LRRC4C: variants seen among roughly 807,000 people sequenced by gnomAD.
The protein encoded by LRRC4C is leucine rich repeat containing 4C.
A neutral mutation model predicts 33.6 loss-of-function variants in LRRC4C; 5 were observed. The ratio of observed to expected loss-of-function variants is 0.15; its 90% confidence interval spans 0.08 to 0.31. The LOEUF is 0.31. Ranked by LOEUF, LRRC4C falls within the 10% of genes least tolerant of loss-of-function variation. The pLI, the probability that LRRC4C is intolerant of heterozygous loss-of-function variation, is 1.00. For synonymous variants in LRRC4C, 329 were observed against 302.0 expected, an observed-to-expected ratio of 1.09 and a Z score of -0.93; for missense variants, 560 against 796.7, an observed-to-expected ratio of 0.70 and a Z score of 3.58.
At chr11:40,993,529 T>A (rs1346657321) in intron 1 of LRRC4C, among the ~76,000 whole-genome samples, 7 of 152,214 alleles carry the variant, frequency 4.6e-5, no homozygotes, top group Non-Finnish European at 2.9e-5. Flanking sequence ...GACACCTGCA[T>A]TGAAACTTTT....
chr11:40,517,815 C>T (rs948257329), intron 3 of LRRC4C, among the ~76,000 whole-genome samples: 7 of 150,910 alleles, frequency 4.6e-5, no homozygotes, highest in African/African-American at 1.5e-4. Flanking sequence ...CAATCATAAA[C>T]AAAAAGAACA....
In LRRC4C at chr11:40,694,940, G is replaced by A. The variant is rs1311589309; in HGVS notation, c.-406-46662C>T. On this transcript the variant is annotated intron_variant, in intron 2 of 6. Transcript: ENST00000528697. ...GGTCTTCCATTTTTTCCAGCCGTTT[G>A]TTTCTTTTTTTTTCTATATTTATTT... Among the ~76,000 whole-genome samples the A allele has an allele frequency of 2.6e-5, 4 of 151,796 alleles. No homozygotes were observed. The South Asian group carries it at 6.2e-4, about 24-fold the overall frequency.
chr11:40,444,606 T>C (rs904430331), intron 3 of LRRC4C, among the ~76,000 whole-genome samples: 1 of 152,118 alleles, frequency 6.6e-6, no homozygotes, highest in Admixed American at 6.6e-5. Context: ...AATTTTTTTC[T>C]TTTTGATATT....
chr11:40,180,238 A>G (rs1183804430), intron 5 of LRRC4C, among the ~76,000 whole-genome samples: 1 of 152,284 alleles, frequency 6.6e-6, no homozygotes, highest in Non-Finnish European at 1.5e-5. Context: ...TGTTTTTACA[A>G]CTAGAACTCA....
At chr11:40,783,186 C>G (rs1950282552) in intron 2 of LRRC4C, among the ~76,000 whole-genome samples, 1 of 152,118 alleles carries the variant, frequency 6.6e-6, no homozygotes, top group Admixed American at 6.6e-5. Context: ...GTCAGAAGAA[C>G]AAATTTGTTA....
chr11:40,433,192 A>G (rs1951003488), intron 3 of LRRC4C, among the ~76,000 whole-genome samples: 1 of 152,170 alleles, frequency 6.6e-6, no homozygotes, highest in Admixed American at 6.5e-5. Flanking sequence ...GTTAACTATA[A>G]TTCAATAACT....
chr11:40,639,604 T>C (rs1029328741), intron 3 of LRRC4C, among the ~76,000 whole-genome samples: 1 of 152,260 alleles, frequency 6.6e-6, no homozygotes, highest in Admixed American at 6.5e-5. Flanking sequence ...TCACTCTCTG[T>C]AATAGATGCA....
chr11:40,367,773 C>T (rs1436059672), intron 3 of LRRC4C, among the ~76,000 whole-genome samples: 1 of 152,074 alleles, frequency 6.6e-6, no homozygotes, highest in African/African-American at 2.4e-5. Context: ...TTTTCCTTCT[C>T]TGCTTTCCTT....
chr11:41,325,566 G>GTTT (rs71466927), intron 1 of LRRC4C, among the ~76,000 whole-genome samples: 1,978 of 106,340 alleles, frequency 0.019, 113 homozygotes, highest in African/African-American at 0.066. Context: ...TGTCCTTATA[G>GTTT]TTTTTTTTTT....
intron 1 of LRRC4C, among the ~76,000 whole-genome samples, chr11:41,215,269 C>T (rs372117341): frequency 6.6e-6 from 1 of 151,586 alleles, no homozygotes; most frequent in Non-Finnish European, 1.5e-5. Context: ...GGGTGGATCA[C>T]CTGAGGTCAT....
intron 2 of LRRC4C, among the ~76,000 whole-genome samples, chr11:40,716,625 A>T (rs1000450876): frequency 2.6e-5 from 4 of 152,174 alleles, no homozygotes; most frequent in African/African-American, 7.2e-5. Context: ...TATAAAGAAA[A>T]GCAGTAATAT....
At chr11:41,042,546 C>T (rs183238172) in intron 1 of LRRC4C, among the ~76,000 whole-genome samples, 39 of 152,132 alleles carry the variant, frequency 2.6e-4, no homozygotes, top group African/African-American at 8.7e-4. Flanking sequence ...ACTTCCTTGC[C>T]GCAACTGGGT....
chr11:41,359,814 C>T (rs188650718), intron 1 of LRRC4C, among the ~76,000 whole-genome samples: 3 of 152,210 alleles, frequency 2.0e-5, no homozygotes, highest in Admixed American at 1.3e-4. Context: ...CCATAGCCTG[C>T]GTGCTTAACC....
At chr11:41,286,965 A>G (rs894437875) in intron 1 of LRRC4C, among the ~76,000 whole-genome samples, 2 of 152,334 alleles carry the variant, frequency 1.3e-5, no homozygotes, top group Non-Finnish European at 2.9e-5. Context: ...AGTGAAGGAA[A>G]TTAGCACAAG....
chr11:41,032,443 T>C (rs1856782223), intron 1 of LRRC4C, among the ~76,000 whole-genome samples: 1 of 152,104 alleles, frequency 6.6e-6, no homozygotes, highest in South Asian at 2.1e-4. Context: ...TTGATAAAAC[T>C]TTCAACTGTG....
intron 1 of LRRC4C, among the ~76,000 whole-genome samples, chr11:41,154,642 T>C (rs2135985941): frequency 6.6e-6 from 1 of 152,272 alleles, no homozygotes; most frequent in African/African-American, 2.4e-5. Context: ...GTTAATGACA[T>C]TCTGGTAAAC....
chr11:41,239,532 A>C (rs1344605347), intron 1 of LRRC4C, among the ~76,000 whole-genome samples: 1 of 151,830 alleles, frequency 6.6e-6, no homozygotes, highest in Non-Finnish European at 1.5e-5. Flanking sequence ...CTGTACCCGG[A>C]ATTTATCTCC....
At chr11:41,360,735 A>G (rs945681224) in intron 1 of LRRC4C, among the ~76,000 whole-genome samples, 2 of 152,224 alleles carry the variant, frequency 1.3e-5, no homozygotes, top group African/African-American at 4.8e-5. Context: ...AATAAGGCCC[A>G]TATTGTTGAA....
chr11:41,176,123 C>G (rs555658143), intron 1 of LRRC4C, among the ~76,000 whole-genome samples: 1 of 152,106 alleles, frequency 6.6e-6, no homozygotes, highest in Non-Finnish European at 1.5e-5. Flanking sequence ...TAACTGGATT[C>G]TATTGCATTC....
Sources: allele counts gnomAD v4.1 joint callset (sites outside exome capture counted in the v4.1 genomes callset), GRCh38; gene constraint gnomAD v4.1.1; transcripts MANE v1.5; gene names NCBI Gene and HGNC (gene_info 2026-07-23, HGNC 2026-07-21).